Variants in CAB39L observed in about 807,000 individuals in gnomAD.
CAB39L encodes calcium binding protein 39 like, also known as calcium-binding protein 39-like.
CAB39L carries 23 observed loss-of-function variants against 39.1 expected under a neutral mutation model. The observed-to-expected ratio is 0.59, with a 90% CI of 0.42 to 0.83. The LOEUF (loss-of-function observed/expected upper bound fraction) is 0.83. Ranked by LOEUF, CAB39L falls within the 40% of genes least tolerant of loss-of-function variation. The pLI, the probability that CAB39L is intolerant of heterozygous loss-of-function variation, is 0.00. For missense variants in CAB39L, 366 were observed against 391.9 expected, an observed-to-expected ratio of 0.93 and a Z score of 0.56; for synonymous variants, 126 against 137.2, an observed-to-expected ratio of 0.92 and a Z score of 0.57.
chr13:49,338,197 C>A (rs1954901484), intron 9 of CAB39L, among the ~76,000 whole-genome samples: 1 of 151,976 alleles, frequency 6.6e-6, no homozygotes, highest in South Asian at 2.1e-4. Flanking sequence ...AAGACACATG[C>A]ACACGTATGT....
rs984444146 is a variant in CAB39L, at chr13:49,310,143, A to T, written c.*671T>A. 1 of 152,480 alleles carries T rather than the reference A, an allele frequency of 6.6e-6. No individual in the cohort carries two copies. Among genetic ancestry groups the T allele is most frequent in the South Asian group, 2.1e-4 (1 of 4,818 alleles). The allele number at this position is 152,480 out of a possible 1,614,324, so 9.4% of individuals were successfully genotyped here. ...CCCCTATTCCCCGTGACCCTTGTTG[A>T]TCCATCCTCTTCCTGCTCAGTTGCT... On this transcript the variant is annotated 3_prime_UTR_variant, in exon 11 of 11. Coordinates refer to ENST00000409308, the MANE Select transcript of CAB39L (RefSeq NM_001079670.3).
At chr13:49,327,330 G>A (rs555426816) in intron 10 of CAB39L, among the ~76,000 whole-genome samples, 2 of 152,180 alleles carry the variant, frequency 1.3e-5, no homozygotes, top group South Asian at 4.1e-4. Context: ...TTGAGACAGA[G>A]TCTCGCTCAG....
intron 9 of CAB39L, among the ~76,000 whole-genome samples, chr13:49,334,300 C>T (rs559983476): frequency 4.6e-5 from 7 of 152,052 alleles, no homozygotes; most frequent in Admixed American, 2.0e-4. Flanking sequence ...AGAAAGTGAA[C>T]GAATAAACAA....
intron 10 of CAB39L, among the ~76,000 whole-genome samples, chr13:49,312,662 G>T (rs181290160): frequency 6.6e-6 from 1 of 152,176 alleles, no homozygotes; most frequent in Non-Finnish European, 1.5e-5. Context: ...GCTGTTAAGC[G>T]CCACAGGCCT....
intron 10 of CAB39L, among the ~76,000 whole-genome samples, chr13:49,315,153 T>A (rs868527426): frequency 1.6e-4 from 24 of 152,340 alleles, no homozygotes; most frequent in Middle Eastern, 6.8e-3. Context: ...ATGTTTCTGT[T>A]CTTTCCATCA....
intron 4 of CAB39L, among the ~76,000 whole-genome samples, chr13:49,377,748 A>G (rs1465411538): frequency 1.3e-5 from 1 of 79,112 alleles, no homozygotes; most frequent in Non-Finnish European, 2.5e-5. Flanking sequence ...ACTACAACCT[A>G]CACCTCCCAG....
In CAB39L at chr13:49,310,868, G is replaced by C; in HGVS notation, c.960C>G (p.Asp320Glu). 1 of 1,614,154 alleles carries C rather than the reference G, an allele frequency of 6.2e-7. No individual in the cohort carries two copies. Among genetic ancestry groups the C allele is most frequent in the East Asian group, 2.2e-5 (1 of 44,876 alleles). Residue 320 changes from aspartate to glutamate, a missense_variant, in exon 11 of 11, where the codon GAC becomes GAG. Asp to Glu is a conservative substitution (Grantham distance 45, BLOSUM62 2). Coordinates refer to ENST00000409308, the MANE Select transcript of CAB39L (RefSeq NM_001079670.3). ...KERTDDEQFADEKNYLIKQIR... is the reference protein window; with the variant it reads ...KERTDDEQFAEEKNYLIKQIR... ...TCTGTTTAATCAAGTAGTTCTTCTC[G>C]TCAGCGAACTGCTCATCATCCGTCC...
chr13:49,400,608 G>C (rs1437846548), intron 3 of CAB39L, among the ~76,000 whole-genome samples: 1 of 151,864 alleles, frequency 6.6e-6, no homozygotes, highest in Admixed American at 6.6e-5. Context: ...ACATAAAGTA[G>C]GAAAAATCAG....
intron 10 of CAB39L, among the ~76,000 whole-genome samples, chr13:49,329,526 T>C (rs1954606818): frequency 1.2e-5 from 1 of 84,930 alleles, no homozygotes; most frequent in Admixed American, 1.4e-4. Context: ...CCTACATATC[T>C]CTTCAATTAA....
Position 49,410,415 on chromosome 13 carries a change from C to A in CAB39L, c.-32+22903G>T, listed in dbSNP as rs541457933. Among the ~76,000 whole-genome samples the A allele has an allele frequency of 3.9e-5, 6 of 152,294 alleles. No individual in the cohort carries two copies. The South Asian group carries it at 1.0e-3, about 26-fold the overall frequency. ...CATACTCCAATTTTCCAAGTTTTTA[C>A]AAATTTTCACTTTTCTACAAATTAT... On this transcript the variant is annotated intron_variant, in intron 3 of 10. Coordinates refer to ENST00000409308, the MANE Select transcript of CAB39L (RefSeq NM_001079670.3).
intron 10 of CAB39L, among the ~76,000 whole-genome samples, chr13:49,315,878 C>A (rs1593892137): frequency 8.1e-6 from 1 of 123,994 alleles, no homozygotes. Context: ...GAGCAAGTCT[C>A]CATCTCAAAA....
chr13:49,339,338 C>A (rs1484673306), intron 9 of CAB39L, among the ~76,000 whole-genome samples: 1 of 152,024 alleles, frequency 6.6e-6, no homozygotes, highest in Non-Finnish European at 1.5e-5. Context: ...GCCATGTTGG[C>A]CAGGCTGGTC....
chr13:49,337,506 G>A (rs931270595), intron 9 of CAB39L, among the ~76,000 whole-genome samples: 4 of 152,172 alleles, frequency 2.6e-5, no homozygotes, highest in African/African-American at 4.8e-5. Flanking sequence ...GTGGGAGAGA[G>A]GGCCACTTAT....
intron 6 of CAB39L, 29 bp from the exon 7 acceptor site, chr13:49,350,941 A>T (rs1276403419): frequency 6.6e-7 from 1 of 1,522,162 alleles, no homozygotes; most frequent in Non-Finnish European, 8.9e-7. Flanking sequence ...AGAAATAGAG[A>T]ACTCTGTTAT....
At chr13:49,368,382 C>G (rs1262083389) in intron 5 of CAB39L, among the ~76,000 whole-genome samples, 2 of 152,206 alleles carry the variant, frequency 1.3e-5, no homozygotes, top group Non-Finnish European at 2.9e-5. Flanking sequence ...GAAACAGGTA[C>G]AAGCTGGTGA....
chr13:49,318,920 T>TATAC (rs1447593773), intron 10 of CAB39L, among the ~76,000 whole-genome samples: 1 of 152,052 alleles, frequency 6.6e-6, no homozygotes, highest in Non-Finnish European at 1.5e-5. Flanking sequence ...AAATTTGTGG[T>TATAC]ATACCCATGC....
At chr13:49,322,271 C>T (rs1954370501) in intron 10 of CAB39L, among the ~76,000 whole-genome samples, 1 of 152,206 alleles carries the variant, frequency 6.6e-6, no homozygotes, top group South Asian at 2.1e-4. Context: ...TGACTAGCTT[C>T]TTTCACGTAG....
intron 10 of CAB39L, among the ~76,000 whole-genome samples, chr13:49,320,238 T>A (rs535486016): frequency 1.3e-5 from 2 of 152,250 alleles, no homozygotes; most frequent in Admixed American, 1.3e-4. Flanking sequence ...ATGTCCAGGG[T>A]AGAAATTTTT....
At chr13:49,334,582 A>T (rs1307648757) in intron 9 of CAB39L, among the ~76,000 whole-genome samples, 6 of 152,076 alleles carry the variant, frequency 3.9e-5, no homozygotes, top group Non-Finnish European at 7.4e-5. Flanking sequence ...TCTACAGTTG[A>T]CTTTGCTTTG....
Sources: allele counts gnomAD v4.1 joint callset (sites outside exome capture counted in the v4.1 genomes callset), GRCh38; gene constraint gnomAD v4.1.1; transcripts MANE v1.5; gene names NCBI Gene and HGNC (gene_info 2026-07-23, HGNC 2026-07-21).